PAICS: variants seen among roughly 807,000 people sequenced by gnomAD.
The protein encoded by PAICS is phosphoribosylaminoimidazole carboxylase and phosphoribosylaminoimidazolesuccinocarboxamide synthase.
PAICS carries 33 observed loss-of-function variants against 53.7 expected under a neutral mutation model. The ratio of observed to expected loss-of-function variants is 0.61; its 90% CI spans 0.47 to 0.82. PAICS has a LOEUF of 0.82. Ranked by LOEUF, PAICS falls within the 40% of genes least tolerant of loss-of-function variation. The pLI is 0.00. For synonymous variants in PAICS, 141 were observed against 167.2 expected, an observed-to-expected ratio of 0.84 and a Z score of 1.21; for missense variants, 394 against 494.1, an observed-to-expected ratio of 0.80 and a Z score of 1.92.
the PAICS span, chr4:56,414,212 T>A: frequency 2.0e-5 from 3 of 152,232 alleles, no homozygotes. Flanking sequence ...TTTCTGGTTT[T>A]TCCTATGGCG....
In PAICS at chr4:56,463,950, T is replaced by G. The variant is rs1212145144; in HGVS notation, c.*4412T>G. ...TGTGGGTGAGCGTCATCTAATCCAT[T>G]GAGGGCCTGAATAGAACAAAAAAGG... On this transcript the variant is annotated 3_prime_UTR_variant, in exon 9 of 9. Transcript: ENST00000512576. 6.6e-6 allele frequency: 1 copy of G among 151,446 alleles called. No individual in the cohort carries two copies. The highest frequency in any genetic ancestry group is 1.5e-5 in the Non-Finnish European group (1 of 68,050). 9.4% of individuals were successfully genotyped at this position (151,446 alleles called of 1,614,324 possible). A position where few individuals can be genotyped will look rare whatever the true frequency, so the allele number is the denominator to read the frequency against.
At chr4:56,416,905 A>G in the PAICS span, among the ~76,000 whole-genome samples, 4 of 152,168 alleles carry the variant, frequency 2.6e-5, no homozygotes, top group African/African-American at 9.7e-5. Flanking sequence ...GCTGGAGTGC[A>G]GTGTCATGAT....
At chr4:56,447,518 A>C (rs1160645086) in intron 3 of PAICS, among the ~76,000 whole-genome samples, 3 of 152,210 alleles carry the variant, frequency 2.0e-5, no homozygotes, top group East Asian at 3.8e-4. Flanking sequence ...TCCCTAAAAA[A>C]TTATAGTGCT....
intron 7 of PAICS, among the ~76,000 whole-genome samples, 163 bp downstream of exon 7, chr4:56,452,215 G>C (rs1718956025): frequency 6.6e-6 from 1 of 152,100 alleles, no homozygotes; most frequent in African/African-American, 2.4e-5. Context: ...GTCTCACTCT[G>C]TCGCCCAGGC....
chr4:56,410,691 G>T, the PAICS span: 5 of 986,250 alleles, frequency 5.1e-6, no homozygotes, highest in Non-Finnish European at 6.0e-6. Context: ...TGGAAACAGT[G>T]CTGGGCTAAG....
chr4:56,464,128 G>C lies in PAICS; in HGVS notation c.*4590G>C, dbSNP rs1352792342. On this transcript the variant is annotated 3_prime_UTR_variant, in exon 9 of 9. Transcript: ENST00000512576. The stretch of plus-strand genomic sequence containing the variant: ...CTACACTGGCTTTCCTGGGCCTTCA[G>C]CCTGCAGAAGGCAGACTGTGGGACT... The C allele has an allele frequency of 1.3e-5, 2 of 152,192 alleles. No homozygotes were observed. The highest frequency in any genetic ancestry group is 2.9e-5 in the Non-Finnish European group (2 of 68,074). The allele number at this position is 152,192 out of a possible 1,614,324, so 9.4% of individuals were successfully genotyped here.
At chr4:56,445,386 A>G (rs1718561194) in intron 2 of PAICS, among the ~76,000 whole-genome samples, 1 of 152,136 alleles carries the variant, frequency 6.6e-6, no homozygotes, top group Admixed American at 6.5e-5. Flanking sequence ...TCACGAGATC[A>G]GGAGTTCCTG....
At chr4:56,417,435 TA>T in the PAICS span, among the ~76,000 whole-genome samples, 1 of 152,164 alleles carries the variant, frequency 6.6e-6, no homozygotes, top group African/African-American at 2.4e-5. Context: ...ATTTGTATGA[TA>T]GGGGCCAAAA....
the PAICS span, chr4:56,420,339 A>G: frequency 6.6e-6 from 1 of 152,326 alleles, no homozygotes; most frequent in Admixed American, 6.5e-5. Context: ...TCAAGTGTAT[A>G]ATTTTCCACA....
intron 8 of PAICS, among the ~76,000 whole-genome samples, chr4:56,454,334 G>T (rs1489039653): frequency 1.3e-5 from 2 of 152,140 alleles, no homozygotes; most frequent in Non-Finnish European, 2.9e-5. Context: ...TTGGGCCTGT[G>T]ACATCAGTAA....
At chr4:56,436,449 C>T (rs1221484495) in intron 1 of PAICS, 121 bp downstream of exon 1, 3 of 856,658 alleles carry the variant, frequency 3.5e-6, no homozygotes, top group East Asian at 2.6e-5. Flanking sequence ...TAGGCAGCCG[C>T]GCGGGCGCAC....
the PAICS span, chr4:56,428,875 T>G: frequency 1.7e-5 from 6 of 343,396 alleles, no homozygotes; most frequent in African/African-American, 4.4e-5. Context: ...CCTGAATGCT[T>G]GAAAACCATT....
At chr4:56,419,791 A>T in the PAICS span, 2 of 984,990 alleles carry the variant, frequency 2.0e-6, no homozygotes, top group Non-Finnish European at 2.4e-6. Context: ...ATATTTCAAC[A>T]AATTGCAGCC....
In PAICS at chr4:56,461,855, T is replaced by C. The variant is rs1026859639; in HGVS notation, c.*2317T>C. On this transcript the variant is annotated 3_prime_UTR_variant, in exon 9 of 9. Transcript: ENST00000512576. ...GGTAAACATAAAAAGAGAAAAAATA[T>C]CCCAATAATACAGTTTTTAACCTTT... is the stretch of plus-strand genomic sequence containing the variant. The C allele has an allele frequency of 2.6e-4, 40 of 151,840 alleles. No homozygotes were observed. The highest frequency in any genetic ancestry group is 8.9e-4 in the African/African-American group (37 of 41,468). 9.4% of individuals were successfully genotyped at this position (151,840 alleles called of 1,614,324 possible).
the PAICS span, among the ~76,000 whole-genome samples, chr4:56,427,844 A>G: frequency 6.6e-6 from 1 of 152,164 alleles, no homozygotes; most frequent in African/African-American, 2.4e-5. Flanking sequence ...TGTCATTTTG[A>G]TATATGAAGT....
intron 1 of PAICS, among the ~76,000 whole-genome samples, chr4:56,437,333 G>GA (rs1718067237): frequency 6.7e-6 from 1 of 150,150 alleles, no homozygotes; most frequent in Admixed American, 6.6e-5. Flanking sequence ...CGATGGCTTT[G>GA]AAGAACTCCA....
the PAICS span, among the ~76,000 whole-genome samples, chr4:56,429,860 A>G: frequency 6.6e-6 from 1 of 152,154 alleles, no homozygotes; most frequent in Non-Finnish European, 1.5e-5. Flanking sequence ...GATTCATACT[A>G]TATGTACTTT....
In PAICS at chr4:56,441,768, C is replaced by G; in HGVS notation, c.122C>G (p.Ala41Gly). Residue 41 changes from alanine to glycine, a missense_variant, in exon 2 of 9, where the codon GCA becomes GGA. Coordinates refer to ENST00000512576, the MANE Select transcript of PAICS (RefSeq NM_001079524.2). ...CTGCAGTCCAAGGACCAGATTACAG[C>G]AGGAAATGCAGCTAGAAAAAACCAC... ...VLLQSKDQITAGNAARKNHLE... is the reference protein window; with the variant it reads ...VLLQSKDQITGGNAARKNHLE... 3 of 1,604,010 alleles carry G rather than the reference C, an allele frequency of 1.9e-6. No individual in the cohort carries two copies. The highest frequency in any genetic ancestry group is 2.6e-6 in the Non-Finnish European group (3 of 1,174,568).
chr4:56,436,912 C>T (rs1304387225), intron 1 of PAICS, among the ~76,000 whole-genome samples: 1 of 152,182 alleles, frequency 6.6e-6, no homozygotes, highest in Non-Finnish European at 1.5e-5. Flanking sequence ...GTAGGAGAAT[C>T]GCTTGAACCC....
Sources: allele counts gnomAD v4.1 joint callset (sites outside exome capture counted in the v4.1 genomes callset), GRCh38; gene constraint gnomAD v4.1.1; transcripts MANE v1.5; gene names NCBI Gene and HGNC (gene_info 2026-07-23, HGNC 2026-07-21).